FOXP2: variants seen among roughly 807,000 people sequenced by gnomAD.
FOXP2 encodes forkhead box protein P2.
A neutral mutation model predicts 115.8 loss-of-function variants in FOXP2; 12 were observed. The ratio of observed to expected loss-of-function variants is 0.10; its 90% confidence interval spans 0.07 to 0.17. The LOEUF is 0.17. Among genes scored for constraint, FOXP2 ranks in the 10% least tolerant of loss-of-function variants. The probability of loss-of-function intolerance (pLI) is 1.00; values close to 1 mark genes in which losing one functional copy is unlikely to be tolerated. For synonymous variants in FOXP2, 328 were observed against 297.7 expected (o/e 1.10, Z -1.05); for missense variants, 629 against 843.5 (o/e 0.75, Z 3.15).
intron 15 of FOXP2, among the ~76,000 whole-genome samples, chr7:114,664,061 C>T (rs1807029299): frequency 6.6e-6 from 1 of 152,124 alleles, no homozygotes; most frequent in Non-Finnish European, 1.5e-5. Flanking sequence ...AAGTTTGCTG[C>T]AAGGACGATT....
chr7:114,325,746 G>A (rs543343870), intron 2 of FOXP2, among the ~76,000 whole-genome samples: 2 of 152,070 alleles, frequency 1.3e-5, no homozygotes, highest in South Asian at 2.1e-4. Flanking sequence ...GTATAGACCC[G>A]TTCGGTTGCT....
chr7:114,203,806 T>C (rs150692629), intron 1 of FOXP2, among the ~76,000 whole-genome samples: 3 of 152,154 alleles, frequency 2.0e-5, no homozygotes, highest in Non-Finnish European at 4.4e-5. Flanking sequence ...TGGATTCTTT[T>C]CATATTTTCC....
chr7:114,534,671 T>C lies in FOXP2; in HGVS notation c.223T>C (p.Ser75Pro). The change falls in exon 3 of 17, where the codon TCT (serine) becomes CCT (proline). Residue 75 changes from serine to proline, a missense_variant. Physicochemically the swap from Ser to Pro is moderately conservative, Grantham distance 74. This residue lies in a region of FOXP2 where 91 missense variants were observed against 98.3 expected (regional missense o/e 0.93). Coordinates refer to ENST00000350908, the MANE Select transcript of FOXP2 (RefSeq NM_014491.4). ...ACAGCAGCAAACAAGTGGATTGAAA[T>C]CTCCTAAGAGCAGTGATAAACAGAG... Reference protein sequence around the residue: ...LLQQQTSGLKSPKSSDKQRPL... With the variant: ...LLQQQTSGLKPPKSSDKQRPL... 6.2e-7 allele frequency: 1 copy of C among 1,611,998 alleles called. No individual in the cohort carries two copies. The highest frequency in any genetic ancestry group is 8.5e-7 in the Non-Finnish European group (1 of 1,178,550).
intron 2 of FOXP2, among the ~76,000 whole-genome samples, chr7:114,528,648 T>C (rs991592696): frequency 1.3e-5 from 2 of 152,008 alleles, no homozygotes; most frequent in Non-Finnish European, 2.9e-5. Context: ...CATTTACATA[T>C]TGTAGTATAA....
chr7:114,347,276 T>A (rs888873320), intron 2 of FOXP2, among the ~76,000 whole-genome samples: 15 of 151,998 alleles, frequency 9.9e-5, no homozygotes, highest in South Asian at 8.3e-4. Context: ...GGTACATGTA[T>A]GTATGTATGT....
chr7:114,631,852 C>G (rs1449381046), intron 6 of FOXP2, 147 bp downstream of exon 6: 2 of 822,164 alleles, frequency 2.4e-6, no homozygotes, highest in East Asian at 5.3e-5. Flanking sequence ...GTGGCATGAC[C>G]TATTTTCTAG....
At chr7:114,643,921 A>G (rs1192116542) in intron 7 of FOXP2, among the ~76,000 whole-genome samples, 1 of 152,214 alleles carries the variant, frequency 6.6e-6, no homozygotes, top group Non-Finnish European at 1.5e-5. Flanking sequence ...AGAAACAGAT[A>G]TTTAATTATA....
At chr7:114,238,890 T>G (rs1795079973) in intron 1 of FOXP2, among the ~76,000 whole-genome samples, 1 of 150,470 alleles carries the variant, frequency 6.6e-6, no homozygotes, top group Admixed American at 6.7e-5. Flanking sequence ...ATATTTGGCC[T>G]TAGATGTCTA....
intron 2 of FOXP2, among the ~76,000 whole-genome samples, chr7:114,346,877 C>T (rs1434109480): frequency 4.0e-5 from 6 of 151,722 alleles, no homozygotes; most frequent in Non-Finnish European, 8.8e-5. Flanking sequence ...TTCTATTGTA[C>T]TGTAGGGTGA....
intron 2 of FOXP2, among the ~76,000 whole-genome samples, chr7:114,407,760 C>T (rs1012995563): frequency 1.1e-4 from 17 of 151,950 alleles, no homozygotes; most frequent in African/African-American, 3.1e-4. Context: ...TTATTTATAG[C>T]GTTTTGCAAA....
intron 3 of FOXP2, among the ~76,000 whole-genome samples, chr7:114,571,981 CATA>C (rs756643631): frequency 3.0e-4 from 45 of 151,810 alleles, no homozygotes; most frequent in Non-Finnish European, 5.0e-4. Flanking sequence ...CTACTCTATA[CATA>C]ATATTTCCTA....
intron 1 of FOXP2, among the ~76,000 whole-genome samples, chr7:114,277,695 T>A (rs1263913909): frequency 3.9e-5 from 6 of 152,074 alleles, no homozygotes; most frequent in Admixed American, 3.9e-4. Flanking sequence ...ATCTTATCAC[T>A]TATTGACCTT....
intron 2 of FOXP2, among the ~76,000 whole-genome samples, chr7:114,378,803 A>G (rs1792208750): frequency 6.7e-6 from 1 of 150,014 alleles, no homozygotes; most frequent in Non-Finnish European, 1.5e-5. Context: ...GGTGCTTATT[A>G]AGGCACTGCT....
At chr7:114,591,263 G>C (rs1344083179) in intron 3 of FOXP2, among the ~76,000 whole-genome samples, 1 of 151,838 alleles carries the variant, frequency 6.6e-6, no homozygotes, top group East Asian at 1.9e-4. Flanking sequence ...TTTAATGATT[G>C]GTTTACTGAA....
intron 2 of FOXP2, among the ~76,000 whole-genome samples, chr7:114,529,431 T>C (rs1799032387): frequency 1.3e-5 from 2 of 151,876 alleles, no homozygotes; most frequent in Admixed American, 1.3e-4. Flanking sequence ...TCATAAGATA[T>C]TTGATTGGTA....
chr7:114,138,474 C>T (rs1348931524), intron 1 of FOXP2, among the ~76,000 whole-genome samples: 2 of 151,718 alleles, frequency 1.3e-5, no homozygotes, highest in African/African-American at 2.4e-5. Context: ...TCACTGCAAC[C>T]TCTGCCTCCC....
At chr7:114,334,210 G>A (rs112494586) in intron 2 of FOXP2, among the ~76,000 whole-genome samples, 4 of 152,092 alleles carry the variant, frequency 2.6e-5, no homozygotes, top group African/African-American at 9.6e-5. Flanking sequence ...GTGTATCATT[G>A]AAAGTAATAA....
chr7:114,323,510 G>T (rs1562870731), intron 2 of FOXP2, among the ~76,000 whole-genome samples: 1 of 151,916 alleles, frequency 6.6e-6, no homozygotes, highest in Non-Finnish European at 1.5e-5. Flanking sequence ...TTGCTGAAAA[G>T]ACTTCTCACT....
chr7:114,437,104 T>A (rs571404275), intron 2 of FOXP2, among the ~76,000 whole-genome samples: 1 of 152,314 alleles, frequency 6.6e-6, no homozygotes, highest in East Asian at 1.9e-4. Context: ...TTGACCTTTT[T>A]AATTTAGCAT....
Sources: gnomAD v4.1 joint callset for allele counts (sites outside exome capture counted in the v4.1 genomes callset) on GRCh38, gnomAD v4.1.1 for gene constraint, gnomAD v4.1.1 regional missense constraint, MANE v1.5 for transcripts, NCBI Gene and HGNC (gene_info 2026-07-23, HGNC 2026-07-21) for gene names.